MYL9: variants seen among roughly 807,000 people sequenced by gnomAD.
MYL9 encodes myosin regulatory light polypeptide 9.
In MYL9, 7 loss-of-function variants were observed where a neutral mutation model predicts 12.8. The ratio of observed to expected loss-of-function variants is 0.55; its 90% confidence interval spans 0.31 to 1.03. MYL9 has a LOEUF of 1.03. Among genes scored for constraint, MYL9 ranks in the 50% least tolerant of loss-of-function variants. MYL9 has a pLI of 0.05. For synonymous variants in MYL9, 81 were observed against 87.8 expected, an observed-to-expected ratio of 0.92 and a Z score of 0.43; for missense variants, 190 against 242.7, an observed-to-expected ratio of 0.78 and a Z score of 1.44.
chr20:36,547,783 A>G (rs2038117732), intron 2 of MYL9, among the ~76,000 whole-genome samples: 1 of 152,176 alleles, frequency 6.6e-6, no homozygotes, highest in Admixed American at 6.5e-5. Context: ...GGTTGTTCTT[A>G]TTACACTTTA....
At chr20:36,544,739 C>A in intron 1 of MYL9, 120 bp from the exon 2 acceptor site, 2 of 741,708 alleles carry the variant, frequency 2.7e-6, no homozygotes, top group Non-Finnish European at 2.2e-6. Flanking sequence ...GTGGTGGGAG[C>A]CCCAAATCCG....
rs534250711 is a variant in MYL9, at chr20:36,548,145, G to A, written c.298G>A (p.Glu100Lys). Residue 100 changes from glutamate to lysine, a missense_variant, in exon 3 of 4, where the codon GAG becomes AAG. By Grantham distance (56) the Glu-to-Lys change is moderately conservative. Coordinates refer to ENST00000279022, the MANE Select transcript of MYL9 (RefSeq NM_006097.5). The part of the protein sequence containing the change: ...FGEKLNGTDP[E>K]DVIRNAFACF... The stretch of plus-strand genomic sequence containing the variant: ...GGAGAAGCTGAACGGCACGGACCCC[G>A]AGGATGTGATTCGCAACGCCTTTGC... 3.5e-5 allele frequency: 56 copies of A among 1,613,932 alleles called. No homozygotes were observed. The Admixed American group carries it at 6.0e-4, about 17-fold the overall frequency.
At chr20:36,542,313 C>G (rs983349430) in intron 1 of MYL9, among the ~76,000 whole-genome samples, 2 of 152,140 alleles carry the variant, frequency 1.3e-5, no homozygotes, top group Non-Finnish European at 2.9e-5. Flanking sequence ...CTGGCCTGCC[C>G]AGCTCCAGGG....
chr20:36,544,127 G>A (rs1372765711), intron 1 of MYL9, among the ~76,000 whole-genome samples: 2 of 152,140 alleles, frequency 1.3e-5, no homozygotes, highest in African/African-American at 2.4e-5. Flanking sequence ...GAAGAAGCTG[G>A]GGTTCTCAGC....
chr20:36,547,012 C>G (rs1270456529), intron 2 of MYL9, among the ~76,000 whole-genome samples: 1 of 152,196 alleles, frequency 6.6e-6, no homozygotes, highest in Non-Finnish European at 1.5e-5. Flanking sequence ...CCTCTTGGGC[C>G]TCAGCTTCCA....
rs780652919 is a variant in MYL9, at chr20:36,548,198, G to A, written c.346+5G>A. On this transcript the variant is annotated splice_donor_5th_base_variant and intron_variant, in intron 3 of 3. Transcript: ENST00000279022. ...GCTTCGACGAGGAAGCCTCAGGTCC[G>A]TGGCGCCCCCTACCACCACTCTGCA... is the stretch of plus-strand genomic sequence containing the variant. 17 of 1,602,558 alleles carry A rather than the reference G, an allele frequency of 1.1e-5. No individual in the cohort carries two copies. Among genetic ancestry groups the A allele is most frequent in the East Asian group, 2.2e-5 (1 of 44,622 alleles).
rs768626963 is a variant in MYL9 at position 36,545,063 on chromosome 20, C to T, written c.179C>T (p.Ser60Leu). Reference sequence around the variant, plus strand: ...GAGGACCTGCACGACATGCTGGCCTCGCTGGGTGAGCTGGGACAGGGACAG... The same window carrying T: ...GAGGACCTGCACGACATGCTGGCCTTGCTGGGTGAGCTGGGACAGGGACAG... ...DKEDLHDMLA[S>L]LGKNPTDEYL... Residue 60 changes from serine to leucine, a missense_variant, in exon 2 of 4, where the codon TCG (serine) becomes TTG (leucine). Coordinates refer to ENST00000279022, the MANE Select transcript of MYL9 (RefSeq NM_006097.5). 6.8e-6 allele frequency: 11 copies of T among 1,613,714 alleles called. No individual in the cohort carries two copies. Among genetic ancestry groups the T allele is most frequent in the Non-Finnish European group, 9.3e-6 (11 of 1,179,828 alleles).
chr20:36,546,933 G>A (rs1192594744), intron 2 of MYL9, among the ~76,000 whole-genome samples: 3 of 152,146 alleles, frequency 2.0e-5, no homozygotes, highest in Non-Finnish European at 2.9e-5. Context: ...TCCCAGCTTC[G>A]TGGAAGGACT....
In MYL9 at chr20:36,550,927, T is replaced by C. The variant is rs2038160111; in HGVS notation, c.*1678T>C. On this transcript the variant is annotated 3_prime_UTR_variant, in exon 4 of 4. Coordinates refer to ENST00000279022, the MANE Select transcript of MYL9 (RefSeq NM_006097.5). ...ACTCTCAGTCTGGCCACCCATTCGA[T>C]GCTGCCAGCCCCAAGGGTGTGGGAG... 6.6e-6 allele frequency: 1 copy of C among 152,648 alleles called. No individual in the cohort carries two copies. Among genetic ancestry groups the C allele is most frequent in the Non-Finnish European group, 1.5e-5 (1 of 68,442 alleles). The allele number at this position is 152,648 out of a possible 1,614,324, so 9.5% of individuals were successfully genotyped here. A position where few individuals can be genotyped will look rare whatever the true frequency, so the allele number is the denominator to read the frequency against.
intron 1 of MYL9, among the ~76,000 whole-genome samples, chr20:36,542,608 G>A (rs1416600756): frequency 1.3e-5 from 2 of 152,140 alleles, no homozygotes; most frequent in African/African-American, 4.8e-5. Context: ...GAGGACTGGG[G>A]CTCCCTGTTT....
intron 3 of MYL9, 76 bp downstream of exon 3, chr20:36,548,269 G>A: frequency 6.7e-7 from 1 of 1,500,628 alleles, no homozygotes; most frequent in South Asian, 1.3e-5. Flanking sequence ...TGCCCCTAAG[G>A]GCCAGAACAG....
rs1600750329 is a variant in MYL9 at position 36,549,284 on chromosome 20, A to T, written c.*35A>T. The T allele has an allele frequency of 1.8e-6, 2 of 1,096,412 alleles. No individual in the cohort carries two copies. Among genetic ancestry groups the T allele is most frequent in the Non-Finnish European group, 2.3e-6 (2 of 861,914 alleles). 67.9% of individuals were successfully genotyped at this position (1,096,412 alleles called of 1,614,324 possible). On this transcript the variant is annotated 3_prime_UTR_variant, in exon 4 of 4. Transcript: ENST00000279022. ...GCCCCCTGACACCCCAGCCCCCGCC[A>T]GTCACCCCTCCCCGCACACACCCGT...
intron 1 of MYL9, among the ~76,000 whole-genome samples, chr20:36,542,742 C>A (rs1185303503): frequency 6.6e-6 from 1 of 152,218 alleles, no homozygotes; most frequent in Non-Finnish European, 1.5e-5. Flanking sequence ...CTTCTGGGGC[C>A]TCTTTTCCTA....
Position 36,548,165 on chromosome 20 carries a change from C to T in MYL9, c.318C>T (p.Ala106=), listed in dbSNP as rs1470973566. ...ACCCCGAGGATGTGATTCGCAACGC[C>T]TTTGCCTGCTTCGACGAGGAAGCCT... The part of the protein sequence containing the change: ...GTDPEDVIRN[A]FACFDEEASG... Residue 106 remains alanine (A), a synonymous_variant, in exon 3 of 4, where the codon GCC becomes GCT. Coordinates refer to ENST00000279022, the MANE Select transcript of MYL9 (RefSeq NM_006097.5). The T allele has an allele frequency of 3.1e-6, 5 of 1,613,132 alleles. No homozygotes were observed. The African/African-American group carries it at 6.7e-5, about 22-fold the overall frequency.
chr20:36,546,439 A>G lies in MYL9; in HGVS notation c.184+1371A>G, dbSNP rs181754413. 2.8e-3 allele frequency among the ~76,000 whole-genome samples: 426 copies of G among 152,196 alleles called. 5 individuals are homozygous for G. The highest frequency in any genetic ancestry group is 1.1e-3 in the Non-Finnish European group (73 of 67,982). ...TTTCCTCTTCCTGTGAAATGGGGCCATGACCCTGACATTTCCCCACGAGGC... is the reference window on the plus strand; with the variant it reads ...TTTCCTCTTCCTGTGAAATGGGGCCGTGACCCTGACATTTCCCCACGAGGC... On this transcript the variant is annotated intron_variant, in intron 2 of 3. Transcript: ENST00000279022.
In MYL9 at chr20:36,545,236, G is replaced by A. The variant is rs1436400200; in HGVS notation, c.184+168G>A. Among the ~76,000 whole-genome samples, 5 of 152,174 alleles carry A rather than the reference G, an allele frequency of 3.3e-5. No individual in the cohort carries two copies. In the East Asian group the frequency reaches 5.8e-4, roughly 18 times the overall value. ...AACTGGGCCGGGCGCGGTGGCTCAC[G>A]CCTGTAATCCCAGCACTTTGGGAGG... On this transcript the variant is annotated intron_variant, in intron 2 of 3. Transcript: ENST00000279022.
At position 36,550,270 on chromosome 20, in the gene MYL9, C is replaced by A. The variant is rs1299603766; in HGVS notation, c.*1021C>A. ...GTTGGAGGTGGGAATGAGGGGTTTC[C>A]CAGCCCCAGGCAGGTGGAGGGCGAG... On this transcript the variant is annotated 3_prime_UTR_variant, in exon 4 of 4. Coordinates refer to ENST00000279022, the MANE Select transcript of MYL9 (RefSeq NM_006097.5). 1 of 152,436 alleles carries A rather than the reference C, an allele frequency of 6.6e-6. No homozygotes were observed. Among genetic ancestry groups the A allele is most frequent in the Non-Finnish European group, 1.5e-5 (1 of 68,282 alleles). The allele number at this position is 152,436 out of a possible 1,614,324, so 9.4% of individuals were successfully genotyped here.
chr20:36,545,200 T>C (rs923363816), intron 2 of MYL9, 132 bp downstream of exon 2: 5 of 1,098,208 alleles, frequency 4.6e-6, no homozygotes, highest in Non-Finnish European at 6.4e-6. Context: ...ACTTAGTCCA[T>C]TCAACAGGGA....
In MYL9 at chr20:36,550,545, G is replaced by GCT. The variant is rs2038156375; in HGVS notation, c.*1296_*1297insCT. On this transcript the variant is annotated 3_prime_UTR_variant, in exon 4 of 4. Coordinates refer to ENST00000279022, the MANE Select transcript of MYL9 (RefSeq NM_006097.5). Reference sequence around the variant, plus strand: ...CCCACCCCACCTGACCCCAGCGAGTGGACCCAGCTTGGTCCTGAGGCCTTC... The same window carrying GCT: ...CCCACCCCACCTGACCCCAGCGAGTGCTGACCCAGCTTGGTCCTGAGGCCTTC... 1 of 152,896 alleles carries GCT rather than the reference G, an allele frequency of 6.5e-6. No individual in the cohort carries two copies. The highest frequency in any genetic ancestry group is 1.5e-5 in the Non-Finnish European group (1 of 68,690). The allele number at this position is 152,896 out of a possible 1,614,324, so 9.5% of individuals were successfully genotyped here. A position where few individuals can be genotyped will look rare whatever the true frequency, so the allele number is the denominator to read the frequency against.
Sources: gnomAD v4.1 joint callset for allele counts (sites outside exome capture counted in the v4.1 genomes callset) on GRCh38, gnomAD v4.1.1 for gene constraint, MANE v1.5 for transcripts, NCBI Gene and HGNC (gene_info 2026-07-23, HGNC 2026-07-21) for gene names.